ADGRL4: variants seen among roughly 807,000 people sequenced by gnomAD.
The protein encoded by ADGRL4 is EGF, latrophilin and seven transmembrane domain containing 1.
ADGRL4 carries 90 observed loss-of-function variants against 74.8 expected under a neutral mutation model. The observed-to-expected ratio is 1.20, with a 90% CI of 1.02 to 1.43. ADGRL4 has a LOEUF of 1.43. Ranked by LOEUF, ADGRL4 falls within the 40% of genes most tolerant of loss-of-function variation. ADGRL4 has a pLI of 0.00. For missense variants in ADGRL4, 881 were observed against 814.3 expected, an observed-to-expected ratio of 1.08 and a Z score of -1.00; for synonymous variants, 311 against 279.2, an observed-to-expected ratio of 1.11 and a Z score of -1.14.
chr1:78,953,922 G>C (rs1469604154), intron 2 of ADGRL4, among the ~76,000 whole-genome samples: 1 of 152,156 alleles, frequency 6.6e-6, no homozygotes, highest in Non-Finnish European at 1.5e-5. Flanking sequence ...GCCAAGAAAG[G>C]CAATCATCTG....
chr1:78,925,919 C>T (rs1649102865), intron 8 of ADGRL4, among the ~76,000 whole-genome samples: 1 of 151,972 alleles, frequency 6.6e-6, no homozygotes, highest in South Asian at 2.1e-4. Context: ...TTGCATTTAG[C>T]ATCTAAAAAA....
chr1:78,976,212 G>C (rs76126963), intron 2 of ADGRL4, among the ~76,000 whole-genome samples: 1,677 of 151,988 alleles, frequency 0.011, 29 homozygotes, highest in African/African-American at 0.038. Flanking sequence ...AGGTCCCCTT[G>C]TAGATTCAGC....
At chr1:78,915,547 T>A (rs1215611311) in intron 12 of ADGRL4, among the ~76,000 whole-genome samples, 10 of 151,936 alleles carry the variant, frequency 6.6e-5, no homozygotes, top group Middle Eastern at 3.4e-3. Context: ...GAGAACATTG[T>A]CCTCCCCTAA....
intron 10 of ADGRL4, among the ~76,000 whole-genome samples, 191 bp downstream of exon 10, chr1:78,919,992 T>A (rs1648962227): frequency 6.6e-6 from 1 of 151,986 alleles, no homozygotes. Flanking sequence ...CCATTTTTGC[T>A]GAATGGACTT....
intron 8 of ADGRL4, among the ~76,000 whole-genome samples, chr1:78,922,747 T>C (rs1649027014): frequency 6.6e-6 from 1 of 152,002 alleles, no homozygotes; most frequent in Non-Finnish European, 1.5e-5. Context: ...AGATATGTGA[T>C]TTTAAGGTGT....
chr1:78,958,384 C>T (rs1027633730), intron 2 of ADGRL4, among the ~76,000 whole-genome samples: 1 of 152,108 alleles, frequency 6.6e-6, no homozygotes, highest in African/African-American at 2.4e-5. Context: ...ATTCACCATT[C>T]TAGATGTCAT....
Position 78,890,724 on chromosome 1 carries a change from C to A in ADGRL4, c.*430G>T. 1 of 159,356 alleles carries A rather than the reference C, an allele frequency of 6.3e-6. No individual in the cohort carries two copies. 9.9% of individuals were successfully genotyped at this position (159,356 alleles called of 1,614,324 possible). A position where few individuals can be genotyped will look rare whatever the true frequency, so the allele number is the denominator to read the frequency against. On this transcript the variant is annotated 3_prime_UTR_variant, in exon 15 of 15. Transcript: ENST00000370742. ...GTTTGATATTCTGCCCCTTCATTCT[C>A]TTATGTTCCACTTTCTGTAATGGAG...
In ADGRL4 at chr1:78,938,040, C is replaced by G. The variant is rs572211664; in HGVS notation, c.577-50G>C. 22 of 1,603,240 alleles carry G rather than the reference C, an allele frequency of 1.4e-5. No homozygotes were observed. The Admixed American group carries it at 2.8e-4, about 20-fold the overall frequency. On this transcript the variant is annotated intron_variant, in intron 5 of 14. Coordinates refer to ENST00000370742, the MANE Select transcript of ADGRL4 (RefSeq NM_022159.4). Reference sequence around the variant, plus strand: ...AGAAATGTTGGAATCCTACACTATTCACAAATGAAAGGAAAAATTCAAAGC... The same window carrying G: ...AGAAATGTTGGAATCCTACACTATTGACAAATGAAAGGAAAAATTCAAAGC...
intron 2 of ADGRL4, among the ~76,000 whole-genome samples, chr1:78,952,448 A>G (rs1649750458): frequency 6.6e-6 from 1 of 150,510 alleles, no homozygotes; most frequent in African/African-American, 2.4e-5. Flanking sequence ...GATCATCACT[A>G]TCCTTCTCAA....
chr1:78,971,843 A>T (rs112490076), intron 2 of ADGRL4, among the ~76,000 whole-genome samples: 7,120 of 152,114 alleles, frequency 0.047, 222 homozygotes, highest in Non-Finnish European at 0.072. Flanking sequence ...GGCAACCTCC[A>T]CCTCCAGGTT....
chr1:78,964,890 G>T (rs1650023390), intron 2 of ADGRL4, among the ~76,000 whole-genome samples: 1 of 151,826 alleles, frequency 6.6e-6, no homozygotes, highest in Admixed American at 6.6e-5. Context: ...TTTATTTTTG[G>T]AGAGAATAAG....
Position 78,911,438 on chromosome 1 carries a change from A to T in ADGRL4, c.1749+6196T>A, listed in dbSNP as rs1233677856. On this transcript the variant is annotated intron_variant, in intron 12 of 14. Transcript: ENST00000370742. ...ATATTATTTATTCTGTTAAGTTTCT[A>T]TTGGTTTTCTTTGCAATATTTCATG... 2.0e-5 allele frequency among the ~76,000 whole-genome samples: 3 copies of T among 151,740 alleles called. No homozygotes were observed. The Admixed American group carries it at 2.0e-4, about 10-fold the overall frequency.
chr1:78,998,160 G>A (rs565414622), intron 2 of ADGRL4, among the ~76,000 whole-genome samples: 3 of 151,956 alleles, frequency 2.0e-5, no homozygotes, highest in Non-Finnish European at 4.4e-5. Flanking sequence ...TTCTTTATGT[G>A]CATTGAACTG....
rs191113622 is a variant in ADGRL4 at position 78,991,731 on chromosome 1, T to C, written c.172+13339A>G. Reference sequence around the variant, plus strand: ...AATATAGTCAACCAACTAAGTATAATGTTAATTACACAAAACCTACTTGCT... The same window carrying C: ...AATATAGTCAACCAACTAAGTATAACGTTAATTACACAAAACCTACTTGCT... On this transcript the variant is annotated intron_variant, in intron 2 of 14. Coordinates refer to ENST00000370742, the MANE Select transcript of ADGRL4 (RefSeq NM_022159.4). Among the ~76,000 whole-genome samples the C allele has an allele frequency of 3.4e-3, 510 of 152,102 alleles. 4 individuals are homozygous for C. Among genetic ancestry groups the C allele is most frequent in the African/African-American group, 0.012 (493 of 41,546 alleles).
chr1:78,995,540 A>G (rs546169251), intron 2 of ADGRL4, among the ~76,000 whole-genome samples: 2 of 152,324 alleles, frequency 1.3e-5, no homozygotes, highest in African/African-American at 4.8e-5. Context: ...CAGAGATCAG[A>G]GTTTAACACA....
intron 3 of ADGRL4, among the ~76,000 whole-genome samples, chr1:78,946,053 T>G (rs1649594095): frequency 6.6e-6 from 1 of 152,152 alleles, no homozygotes; most frequent in African/African-American, 2.4e-5. Context: ...TTTTGCAAAC[T>G]TATTCTCTCA....
At position 78,927,031 on chromosome 1, in the gene ADGRL4, T is replaced by C. The variant is rs377606010; in HGVS notation, c.938A>G (p.Asp313Gly). ...ATTTTGAGGTTTCAATAAGAAGTTGTCAGATGATGAAAGCAAAGGACCAAT... is the reference window on the plus strand; with the variant it reads ...ATTTTGAGGTTTCAATAAGAAGTTGCCAGATGATGAAAGCAAAGGACCAAT... ...KSIGPLLSSS[D>G]NFLLKPQNYD... The change falls in exon 8 of 15, where the codon GAC (aspartate) becomes GGC (glycine). Residue 313 changes from aspartate (D) to glycine (G), a missense_variant. Transcript: ENST00000370742. 2 of 1,609,860 alleles carry C rather than the reference T, an allele frequency of 1.2e-6. No homozygotes were observed. The highest frequency in any genetic ancestry group is 2.2e-5 in the East Asian group (1 of 44,692).
chr1:78,915,875 T>C (rs1383704917), intron 12 of ADGRL4, among the ~76,000 whole-genome samples: 1 of 151,880 alleles, frequency 6.6e-6, no homozygotes, highest in Non-Finnish European at 1.5e-5. Context: ...ATTCAATAAT[T>C]ATCTAAGAAT....
chr1:78,968,469 A>G (rs1650099408), intron 2 of ADGRL4, among the ~76,000 whole-genome samples: 1 of 117,538 alleles, frequency 8.5e-6, no homozygotes, highest in Non-Finnish European at 1.6e-5. Flanking sequence ...TCAACCAGGG[A>G]TGCATAATCG....
Sources: gnomAD v4.1 joint callset for allele counts (sites outside exome capture counted in the v4.1 genomes callset) on GRCh38, gnomAD v4.1.1 for gene constraint, MANE v1.5 for transcripts, NCBI Gene and HGNC (gene_info 2026-07-23, HGNC 2026-07-21) for gene names.